The following GRID2 variants were observed in gnomAD, a reference collection of about 807,000 sequenced individuals.
The protein encoded by GRID2 is glutamate receptor ionotropic, delta-2.
Under a neutral mutation model 114.8 loss-of-function variants are expected in GRID2, and 33 were observed. That is an observed-to-expected ratio of 0.29 (90% CI 0.22 to 0.38). GRID2 has a LOEUF of 0.38. GRID2 is among the 10% of genes least tolerant of loss of function. The pLI is 1.00. For missense variants in GRID2, 1,184 were observed against 1,257.7 expected, an observed-to-expected ratio of 0.94 and a Z score of 0.89; for synonymous variants, 505 against 449.9, an observed-to-expected ratio of 1.12 and a Z score of -1.55.
chr4:92,695,158 G>C (rs1010391755), intron 2 of GRID2, among the ~76,000 whole-genome samples: 1 of 151,920 alleles, frequency 6.6e-6, no homozygotes, highest in Non-Finnish European at 1.5e-5. Context: ...TAGAGACAGG[G>C]TTTCACTATA....
intron 1 of GRID2, among the ~76,000 whole-genome samples, chr4:92,533,555 C>G (rs1725460672): frequency 6.6e-6 from 1 of 152,104 alleles, no homozygotes; most frequent in Non-Finnish European, 1.5e-5. Flanking sequence ...TTTTCCTACT[C>G]TACCCTGTTA....
intron 2 of GRID2, among the ~76,000 whole-genome samples, chr4:92,982,816 A>T (rs1754298127): frequency 6.6e-6 from 1 of 152,126 alleles, no homozygotes; most frequent in African/African-American, 2.4e-5. Context: ...AAAGTTGCAG[A>T]TTATTTTAAG....
chr4:92,948,898 T>C (rs540120924), intron 2 of GRID2, among the ~76,000 whole-genome samples: 1 of 152,152 alleles, frequency 6.6e-6, no homozygotes, highest in South Asian at 2.1e-4. Context: ...TGAGTGACTC[T>C]TCACTTTTTA....
At chr4:92,988,436 A>G (rs1316451774) in intron 2 of GRID2, among the ~76,000 whole-genome samples, 1 of 152,164 alleles carries the variant, frequency 6.6e-6, no homozygotes, top group Non-Finnish European at 1.5e-5. Context: ...AAAAGGAAGC[A>G]AGACAAAAGC....
At chr4:93,778,393 CTTTTTTTT>C (rs36000401), downstream of GRID2, among the ~76,000 whole-genome samples, 28 of 98,636 alleles carry the variant, frequency 2.8e-4, 1 homozygote, top group Non-Finnish European at 1.9e-5. Context: ...TCTCATTTGG[CTTTTTTTT>C]TTTTTTTTTT....
At chr4:92,844,518 G>A (rs1170650031) in intron 2 of GRID2, among the ~76,000 whole-genome samples, 2 of 151,764 alleles carry the variant, frequency 1.3e-5, no homozygotes, top group African/African-American at 4.8e-5. Context: ...CAACCTGGGC[G>A]ACAGAGTGAG....
At chr4:92,596,110 A>T (rs765378191) in intron 2 of GRID2, among the ~76,000 whole-genome samples, 1 of 152,154 alleles carries the variant, frequency 6.6e-6, no homozygotes, top group Non-Finnish European at 1.5e-5. Context: ...ACCAATTTTG[A>T]TAACTTCAAT....
intron 2 of GRID2, among the ~76,000 whole-genome samples, chr4:92,634,431 G>C (rs1730963461): frequency 6.6e-6 from 1 of 152,110 alleles, no homozygotes; most frequent in Non-Finnish European, 1.5e-5. Flanking sequence ...CAAGGTTATT[G>C]GCACATGTGC....
chr4:93,464,981 C>G (rs1435215144), intron 11 of GRID2, among the ~76,000 whole-genome samples: 1 of 152,146 alleles, frequency 6.6e-6, no homozygotes, highest in Non-Finnish European at 1.5e-5. Flanking sequence ...ATTCTTCATT[C>G]TCTAGTAAAC....
intron 4 of GRID2, among the ~76,000 whole-genome samples, chr4:93,113,907 A>G (rs1733003169): frequency 6.6e-6 from 1 of 152,158 alleles, no homozygotes; most frequent in Non-Finnish European, 1.5e-5. Flanking sequence ...CGGGGCATGC[A>G]GCAAGAAGGC....
At chr4:92,748,191 C>A (rs1560569877) in intron 2 of GRID2, among the ~76,000 whole-genome samples, 1 of 152,062 alleles carries the variant, frequency 6.6e-6, no homozygotes, top group Admixed American at 6.6e-5. Context: ...TTTCCCATCT[C>A]AATATTTAAG....
intron 2 of GRID2, among the ~76,000 whole-genome samples, chr4:92,801,463 G>A (rs1740167040): frequency 6.6e-6 from 1 of 151,826 alleles, no homozygotes; most frequent in African/African-American, 2.4e-5. Context: ...GGTAAACATT[G>A]TAAACACTGC....
At chr4:92,628,235 G>A (rs950652775) in intron 2 of GRID2, among the ~76,000 whole-genome samples, 6 of 152,094 alleles carry the variant, frequency 3.9e-5, no homozygotes, top group African/African-American at 7.2e-5. Context: ...CCATGATCAC[G>A]GAGCAGCTCC....
chr4:93,603,215 A>AAAAAG (rs551268251), intron 13 of GRID2, among the ~76,000 whole-genome samples: 79 of 152,270 alleles, frequency 5.2e-4, no homozygotes, highest in East Asian at 1.2e-3. Flanking sequence ...CATCTCAAAA[A>AAAAAG]AAAAGAAAAG....
chr4:92,363,659 A>G (rs567260005), intron 1 of GRID2, among the ~76,000 whole-genome samples: 95 of 151,890 alleles, frequency 6.3e-4, no homozygotes, highest in Non-Finnish European at 1.1e-3. Flanking sequence ...TTAGACTTCT[A>G]TTTTATACTG....
At chr4:92,796,297 C>T (rs1212788789) in intron 2 of GRID2, among the ~76,000 whole-genome samples, 1 of 151,886 alleles carries the variant, frequency 6.6e-6, no homozygotes, top group Admixed American at 6.6e-5. Context: ...TGGCCTGGGA[C>T]ATTGTCCAAT....
chr4:92,606,189 A>C (rs1288519718), intron 2 of GRID2, among the ~76,000 whole-genome samples: 1 of 151,048 alleles, frequency 6.6e-6, no homozygotes, highest in Non-Finnish European at 1.5e-5. Context: ...CACTTGTACA[A>C]AAGAGCCTCA....
At chr4:92,762,454 A>C (rs972965865) in intron 2 of GRID2, among the ~76,000 whole-genome samples, 96 of 152,148 alleles carry the variant, frequency 6.3e-4, no homozygotes, top group Non-Finnish European at 1.1e-3. Context: ...AAATTAAAAA[A>C]AAAAAACATT....
intron 2 of GRID2, among the ~76,000 whole-genome samples, chr4:92,669,559 A>C (rs930171710): frequency 6.6e-6 from 1 of 151,938 alleles, no homozygotes; most frequent in Non-Finnish European, 1.5e-5. Flanking sequence ...AGTTGGTTTC[A>C]GGGGTGAATA....
Sources: gnomAD v4.1 joint callset for allele counts (sites outside exome capture counted in the v4.1 genomes callset) on GRCh38, gnomAD v4.1.1 for gene constraint, MANE v1.5 for transcripts, NCBI Gene and HGNC (gene_info 2026-07-23, HGNC 2026-07-21) for gene names.